GUCY1A2: variants seen among roughly 807,000 people sequenced by gnomAD.
The protein encoded by GUCY1A2 is guanylate cyclase soluble subunit alpha-2.
In GUCY1A2, 27 loss-of-function variants were observed where a neutral mutation model predicts 63.5. The observed-to-expected ratio is 0.43, with a 90% CI of 0.31 to 0.59. The LOEUF (loss-of-function observed/expected upper bound fraction) is 0.59, where lower values mean the gene tolerates loss of function less well. Ranked by LOEUF, GUCY1A2 falls within the 20% of genes least tolerant of loss-of-function variation. GUCY1A2 has a pLI of 0.11. For synonymous variants in GUCY1A2, 364 were observed against 343.5 expected (o/e 1.06, Z -0.66); for missense variants, 768 against 913.3 (o/e 0.84, Z 2.05).
chr11:106,941,308 A>G (rs1249711321), intron 3 of GUCY1A2, among the ~76,000 whole-genome samples: 2 of 152,174 alleles, frequency 1.3e-5, no homozygotes, highest in Non-Finnish European at 2.9e-5. Flanking sequence ...AATGTATTCT[A>G]TCGTAATAAG....
intron 6 of GUCY1A2, among the ~76,000 whole-genome samples, chr11:106,754,785 A>T (rs1863944187): frequency 6.6e-6 from 1 of 152,220 alleles, no homozygotes; most frequent in African/African-American, 2.4e-5. Flanking sequence ...TTTCACATCA[A>T]TGTTCATCAG....
chr11:106,786,272 A>T (rs1864555096), intron 5 of GUCY1A2, among the ~76,000 whole-genome samples: 1 of 152,106 alleles, frequency 6.6e-6, no homozygotes, highest in Non-Finnish European at 1.5e-5. Flanking sequence ...TCTTTCTTTA[A>T]AAAAAAATTT....
chr11:106,706,268 G>A (rs1270598680), intron 7 of GUCY1A2, among the ~76,000 whole-genome samples: 1 of 152,104 alleles, frequency 6.6e-6, no homozygotes, highest in Non-Finnish European at 1.5e-5. Flanking sequence ...AAACTCTCAT[G>A]AGCTTAATAC....
intron 7 of GUCY1A2, among the ~76,000 whole-genome samples, chr11:106,706,656 CT>C (rs200165244): frequency 0.024 from 3,253 of 137,596 alleles, 60 homozygotes; most frequent in African/African-American, 0.055. Context: ...TTTTACACAT[CT>C]TTTTTTTTTT....
intron 6 of GUCY1A2, among the ~76,000 whole-genome samples, chr11:106,756,774 C>A (rs1403932794): frequency 6.6e-6 from 1 of 152,130 alleles, no homozygotes. Flanking sequence ...CTAGCTGTCC[C>A]TAACATTTTT....
rs1862755164 is a variant in GUCY1A2, at chr11:106,698,169, G to T, written c.1991+10343C>A. Among the ~76,000 whole-genome samples the T allele has an allele frequency of 1.6e-5, 2 of 124,138 alleles. 1 individual carries two copies. Among genetic ancestry groups the T allele is most frequent in the South Asian group, 5.0e-4 (2 of 3,982 alleles). The allele number at this position is 124,138 out of a possible 152,430, so 81.4% of individuals were successfully genotyped here. A position where few individuals can be genotyped will look rare whatever the true frequency, so the allele number is the denominator to read the frequency against. On this transcript the variant is annotated intron_variant, in intron 7 of 7. Transcript: ENST00000526355. The stretch of plus-strand genomic sequence containing the variant: ...GGGTCTCACTCTGTTGCTGAAGCTG[G>T]AGTGCAGTGGTGTGATCACGGCTTA...
intron 3 of GUCY1A2, among the ~76,000 whole-genome samples, chr11:106,971,669 A>C (rs1045532696): frequency 3.3e-5 from 5 of 152,174 alleles, no homozygotes; most frequent in African/African-American, 9.6e-5. Context: ...TGATGAATAC[A>C]TATAAAAATG....
chr11:106,834,488 G>C (rs1591295558), intron 4 of GUCY1A2, among the ~76,000 whole-genome samples: 1 of 151,916 alleles, frequency 6.6e-6, no homozygotes, highest in Admixed American at 6.6e-5. Context: ...TTATTCTAAA[G>C]TATTCCAGTT....
chr11:106,718,618 C>A (rs530827172), intron 6 of GUCY1A2, among the ~76,000 whole-genome samples: 2 of 152,048 alleles, frequency 1.3e-5, no homozygotes, highest in African/African-American at 4.8e-5. Flanking sequence ...AAATTTACCT[C>A]TGTGCAAAAA....
At chr11:106,961,715 C>T (rs1861060474) in intron 3 of GUCY1A2, among the ~76,000 whole-genome samples, 1 of 152,164 alleles carries the variant, frequency 6.6e-6, no homozygotes, top group Non-Finnish European at 1.5e-5. Flanking sequence ...CCTAGCCTTG[C>T]CAGTATATTA....
At chr11:106,926,678 T>C (rs1421284588) in intron 4 of GUCY1A2, among the ~76,000 whole-genome samples, 1 of 151,910 alleles carries the variant, frequency 6.6e-6, no homozygotes, top group Non-Finnish European at 1.5e-5. Flanking sequence ...TTTAAATTGT[T>C]ATATGATAGT....
chr11:106,867,030 C>G (rs1251851471), intron 4 of GUCY1A2, among the ~76,000 whole-genome samples: 1 of 151,966 alleles, frequency 6.6e-6, no homozygotes, highest in South Asian at 2.1e-4. Context: ...ACTATCTATG[C>G]ATTTCAACAA....
intron 4 of GUCY1A2, among the ~76,000 whole-genome samples, chr11:106,820,976 C>T (rs1281672945): frequency 2.0e-5 from 3 of 151,988 alleles, no homozygotes; most frequent in Non-Finnish European, 4.4e-5. Context: ...CATTTAGTTT[C>T]ATTTCTATTC....
At chr11:106,931,677 G>A (rs1185648696) in intron 4 of GUCY1A2, among the ~76,000 whole-genome samples, 6 of 152,150 alleles carry the variant, frequency 3.9e-5, no homozygotes, top group African/African-American at 9.7e-5. Context: ...ATCTGCTGAT[G>A]CATACTACAC....
At chr11:106,858,607 C>G (rs776750937) in intron 4 of GUCY1A2, among the ~76,000 whole-genome samples, 1 of 152,062 alleles carries the variant, frequency 6.6e-6, no homozygotes, top group East Asian at 1.9e-4. Flanking sequence ...TTCTAGGCCT[C>G]TATGATGCCT....
intron 4 of GUCY1A2, among the ~76,000 whole-genome samples, chr11:106,855,779 A>G (rs1859421299): frequency 6.6e-6 from 1 of 152,188 alleles, no homozygotes; most frequent in Non-Finnish European, 1.5e-5. Flanking sequence ...TAGCAGTACC[A>G]CTGTCCAATT....
chr11:106,965,332 G>C (rs1395165575), intron 3 of GUCY1A2, among the ~76,000 whole-genome samples: 1 of 151,892 alleles, frequency 6.6e-6, no homozygotes, highest in African/African-American at 2.4e-5. Flanking sequence ...ACTTTAGCAA[G>C]GTACAAAATA....
intron 6 of GUCY1A2, among the ~76,000 whole-genome samples, chr11:106,771,973 TATAG>T (rs1321720626): frequency 4.6e-5 from 7 of 152,300 alleles, no homozygotes; most frequent in Admixed American, 2.6e-4. Context: ...ATGAATGCTT[TATAG>T]ATATAGTCCA....
At chr11:106,899,807 G>A (rs1029862010) in intron 4 of GUCY1A2, among the ~76,000 whole-genome samples, 10 of 152,028 alleles carry the variant, frequency 6.6e-5, no homozygotes, top group Admixed American at 3.3e-4. Flanking sequence ...ATCTATGGCC[G>A]GGCACGGTGG....
Sources: gnomAD v4.1 joint callset for allele counts (sites outside exome capture counted in the v4.1 genomes callset) on GRCh38, gnomAD v4.1.1 for gene constraint, MANE v1.5 for transcripts, NCBI Gene and HGNC (gene_info 2026-07-23, HGNC 2026-07-21) for gene names.